KANSL3: variants seen among roughly 807,000 people sequenced by gnomAD.
The protein encoded by KANSL3 is KAT8 regulatory NSL complex subunit 3, also known as NSL complex protein NSL3.
Under a neutral mutation model 89.2 loss-of-function variants are expected in KANSL3, and 16 were observed. That is an observed-to-expected ratio of 0.18 (90% CI 0.12 to 0.27). The LOEUF (loss-of-function observed/expected upper bound fraction) is 0.27, where lower values mean the gene tolerates loss of function less well. KANSL3 is among the 10% of genes least tolerant of loss of function. The pLI is 1.00. For synonymous variants in KANSL3, 385 were observed against 419.7 expected (o/e 0.92, Z 1.01); for missense variants, 879 against 1,110.6 (o/e 0.79, Z 2.96).
intron 10 of KANSL3, 50 bp from the exon 11 acceptor site, chr2:96,610,933 C>T (rs2068815108): frequency 1.2e-6 from 2 of 1,603,008 alleles, no homozygotes; most frequent in African/African-American, 1.3e-5. Flanking sequence ...TCACAAAGCA[C>T]TGACCCAGAA....
chr2:96,600,240 A>C (rs2066990005), intron 20 of KANSL3: 1 of 168,628 alleles, frequency 5.9e-6, no homozygotes, highest in African/African-American at 2.4e-5. Context: ...AAAATAACAT[A>C]CTTTGTGTAG....
At chr2:96,610,585 G>A in intron 11 of KANSL3, 141 bp downstream of exon 11, 1 of 823,706 alleles carries the variant, frequency 1.2e-6, no homozygotes, top group East Asian at 2.8e-5. Context: ...AAAGTCCTGG[G>A]ATTACAGGCG....
the KANSL3 span, among the ~76,000 whole-genome samples, chr2:96,585,746 A>G: frequency 6.6e-6 from 1 of 152,318 alleles, no homozygotes; most frequent in South Asian, 2.1e-4. Context: ...TAAAAAAAAA[A>G]TGTGGTATAT....
chr2:96,635,886 C>G (rs753198747), intron 2 of KANSL3, among the ~76,000 whole-genome samples: 12 of 151,950 alleles, frequency 7.9e-5, no homozygotes, highest in Admixed American at 5.2e-4. Context: ...CCCAGCTACT[C>G]AGGAGGCTGA....
intron 16 of KANSL3, 121 bp downstream of exon 16, chr2:96,604,654 GAAGT>G (rs1558669723): frequency 2.2e-6 from 2 of 906,774 alleles, no homozygotes; most frequent in Non-Finnish European, 3.4e-6. Flanking sequence ...ATCCCAATCA[GAAGT>G]AAGTCACATT....
chr2:96,616,869 C>G (rs1385251987), intron 5 of KANSL3, among the ~76,000 whole-genome samples: 1 of 152,128 alleles, frequency 6.6e-6, no homozygotes. Flanking sequence ...CGACATGCAC[C>G]CAGGAGATGT....
chr2:96,586,789 C>T, the KANSL3 span, among the ~76,000 whole-genome samples: 1 of 152,238 alleles, frequency 6.6e-6, no homozygotes, highest in African/African-American at 2.4e-5. Context: ...ACTGCTTCTA[C>T]TTCTGTCCTC....
At chr2:96,587,194 C>T in the KANSL3 span, among the ~76,000 whole-genome samples, 1 of 152,150 alleles carries the variant, frequency 6.6e-6, no homozygotes, top group Non-Finnish European at 1.5e-5. Context: ...GCTCCCAACC[C>T]CCACTCTTCT....
intron 2 of KANSL3, 31 bp downstream of exon 2, chr2:96,636,890 T>C: frequency 6.8e-7 from 1 of 1,472,602 alleles, no homozygotes; most frequent in East Asian, 2.5e-5. Context: ...CCCAGTGAGG[T>C]TACCAGCAGC....
chr2:96,612,349 T>G lies in KANSL3; in HGVS notation c.1019A>C (p.His340Pro), dbSNP rs1573433729. The G allele has an allele frequency of 1.2e-6, 2 of 1,613,596 alleles. No homozygotes were observed. The highest frequency in any genetic ancestry group is 1.7e-6 in the Non-Finnish European group (2 of 1,179,588). Residue 340 changes from histidine (H) to proline (P), a missense_variant, in exon 9 of 21, where the codon CAC becomes CCC. By Grantham distance (77) the His-to-Pro change is moderately conservative (BLOSUM62 -2). This residue lies in a region of KANSL3 where 198 missense variants were observed against 260.3 expected (regional missense o/e 0.76). Coordinates refer to ENST00000431828, the MANE Select transcript of KANSL3 (RefSeq NM_001115016.3). The stretch of plus-strand genomic sequence containing the variant: ...AATGGGTTTGTGTGGGAAATGGCTG[T>G]GAATCTTCATGGGAAGAGAAAGAAG... Reference protein sequence around the residue: ...GAVRSKVLEIHSHFPHKPIIL... With the variant: ...GAVRSKVLEIPSHFPHKPIIL...
intron 14 of KANSL3, chr2:96,606,078 T>C (rs2067934996): frequency 6.6e-6 from 1 of 152,336 alleles, no homozygotes; most frequent in South Asian, 2.1e-4. Flanking sequence ...GAGGATCCAC[T>C]TGCCAAATGG....
In KANSL3 at chr2:96,619,454, T is replaced by C; in HGVS notation, c.568A>G (p.Lys190Glu). 1 of 1,613,946 alleles carries C rather than the reference T, an allele frequency of 6.2e-7. No homozygotes were observed. The highest frequency in any genetic ancestry group is 8.5e-7 in the Non-Finnish European group (1 of 1,179,820). Reference sequence around the variant, plus strand: ...GTGGTGTGCAGCCACTGGATCAGCTTGGTATCCCAGCTCACACTTGCCAGA... The same window carrying C: ...GTGGTGTGCAGCCACTGGATCAGCTCGGTATCCCAGCTCACACTTGCCAGA... Reference protein sequence around the residue: ...QALASVSWDTKLIQWLHTTLV... With the variant: ...QALASVSWDTELIQWLHTTLV... Residue 190 changes from lysine to glutamate, a missense_variant, in exon 5 of 21, where the codon AAG becomes GAG. Transcript: ENST00000431828.
chr2:96,626,704 G>GA (rs369174998), intron 3 of KANSL3, among the ~76,000 whole-genome samples: 3 of 151,852 alleles, frequency 2.0e-5, no homozygotes, highest in African/African-American at 7.3e-5. Context: ...CATCTGGAGG[G>GA]AAAAAAAAGC....
chr2:96,637,219 A>ATG, intron 1 of KANSL3, 34 bp from the exon 2 acceptor site: 1 of 811,640 alleles, frequency 1.2e-6, no homozygotes, highest in Non-Finnish European at 2.0e-6. Flanking sequence ...GGTCAATTCC[A>ATG]ATATCCTAAA....
At chr2:96,627,519 T>C (rs566661183) in intron 3 of KANSL3, among the ~76,000 whole-genome samples, 2 of 152,284 alleles carry the variant, frequency 1.3e-5, no homozygotes, top group Admixed American at 6.5e-5. Context: ...CTAGCCTATA[T>C]ACACAAAGCT....
intron 20 of KANSL3, among the ~76,000 whole-genome samples, chr2:96,597,002 T>C (rs990485716): frequency 6.6e-5 from 10 of 152,228 alleles, no homozygotes; most frequent in African/African-American, 9.6e-5. Flanking sequence ...AGGAAACACA[T>C]AGTAAACACC....
In KANSL3 at chr2:96,595,439, G is replaced by T; in HGVS notation, c.*172C>A. ...CGATGGTGCTTCCCTTGCTGGCACC[G>T]TATCACCTAACCTAATGGTTTCTCT... On this transcript the variant is annotated 3_prime_UTR_variant, in exon 21 of 21. Coordinates refer to ENST00000431828, the MANE Select transcript of KANSL3 (RefSeq NM_001115016.3). 2 of 596,260 alleles carry T rather than the reference G, an allele frequency of 3.4e-6. No homozygotes were observed. Among genetic ancestry groups the T allele is most frequent in the South Asian group, 4.5e-5 (2 of 44,180 alleles). 36.9% of individuals were successfully genotyped at this position (596,260 alleles called of 1,614,324 possible).
At chr2:96,632,965 C>CA (rs1051564122) in intron 2 of KANSL3, among the ~76,000 whole-genome samples, 1,201 of 50,716 alleles carry the variant, frequency 0.024, 8 homozygotes, top group Middle Eastern at 0.033. Flanking sequence ...GACTCCATCT[C>CA]AAAAAAAAAA....
chr2:96,583,089 T>C, the KANSL3 span, among the ~76,000 whole-genome samples: 1 of 152,242 alleles, frequency 6.6e-6, no homozygotes, highest in Non-Finnish European at 1.5e-5. Flanking sequence ...AGCACATTTC[T>C]GAGTTTTAGC....
Sources: allele counts gnomAD v4.1 joint callset (sites outside exome capture counted in the v4.1 genomes callset), GRCh38; gene constraint gnomAD v4.1.1; regional missense constraint gnomAD v4.1.1; transcripts MANE v1.5; gene names NCBI Gene and HGNC (gene_info 2026-07-23, HGNC 2026-07-21).